SPEF2: variants seen among roughly 807,000 people sequenced by gnomAD.
SPEF2 encodes sperm flagella and cilia-associated protein 2.
SPEF2 carries 187 observed loss-of-function variants against 224.6 expected under a neutral mutation model. That is an observed-to-expected ratio of 0.83 (90% CI 0.74 to 0.94). SPEF2 has a LOEUF of 0.94. SPEF2 is among the 40% of genes least tolerant of loss of function. The pLI is 0.00. For missense variants in SPEF2, 2,170 were observed against 2,135.6 expected (o/e 1.02, Z -0.32); for synonymous variants, 715 against 707.3 (o/e 1.01, Z -0.17).
At chr5:35,656,976 C>A (rs1433517154) in intron 7 of SPEF2, among the ~76,000 whole-genome samples, 1 of 152,200 alleles carries the variant, frequency 6.6e-6, no homozygotes, top group Admixed American at 6.5e-5. Flanking sequence ...CACAAGAGAT[C>A]CTGGTCCACA....
intron 5 of SPEF2, among the ~76,000 whole-genome samples, 187 bp from the exon 6 acceptor site, chr5:35,649,174 G>A (rs1407903685): frequency 6.6e-6 from 1 of 151,912 alleles, no homozygotes; most frequent in African/African-American, 2.4e-5. Context: ...ATTCTTTTAG[G>A]TATAGTTAGC....
At chr5:35,793,601 G>T (rs1756248125) in intron 32 of SPEF2, among the ~76,000 whole-genome samples, 1 of 152,128 alleles carries the variant, frequency 6.6e-6, no homozygotes, top group Admixed American at 6.6e-5. Flanking sequence ...AAACTTTATT[G>T]TTCTTCTCCT....
At chr5:35,783,874 C>G (rs1754695718) in intron 30 of SPEF2, among the ~76,000 whole-genome samples, 1 of 152,092 alleles carries the variant, frequency 6.6e-6, no homozygotes, top group Non-Finnish European at 1.5e-5. Context: ...TAGCAATGTT[C>G]CTCTGTCTGC....
At chr5:35,745,889 A>C (rs986617560) in intron 23 of SPEF2, among the ~76,000 whole-genome samples, 2 of 152,184 alleles carry the variant, frequency 1.3e-5, no homozygotes, top group Non-Finnish European at 2.9e-5. Context: ...CCATTAAACC[A>C]TCAAGGCTAA....
intron 8 of SPEF2, among the ~76,000 whole-genome samples, chr5:35,661,373 A>G (rs914398253): frequency 6.8e-6 from 1 of 146,424 alleles, no homozygotes; most frequent in African/African-American, 2.5e-5. Context: ...ACCAAAAAAT[A>G]TATATACCAA....
intron 24 of SPEF2, 95 bp downstream of exon 24, chr5:35,753,856 T>G: frequency 2.7e-6 from 4 of 1,478,044 alleles, no homozygotes; most frequent in Non-Finnish European, 3.7e-6. Context: ...ATGAGAGGTC[T>G]GTTCAGGGCT....
chr5:35,781,790 G>T (rs1754383381), intron 30 of SPEF2: 3 of 152,206 alleles, frequency 2.0e-5, no homozygotes, highest in South Asian at 4.2e-4. Context: ...TGCATATATT[G>T]CTTTTTAGGT....
At chr5:35,722,480 GT>G (rs200717070) in intron 20 of SPEF2, among the ~76,000 whole-genome samples, 5,829 of 150,860 alleles carry the variant, frequency 0.039, 187 homozygotes, top group African/African-American at 0.074. Flanking sequence ...TTTTTTCAAG[GT>G]TTTTTTTCTT....
At chr5:35,689,855 A>T (rs1202677860) in intron 10 of SPEF2, among the ~76,000 whole-genome samples, 1 of 152,090 alleles carries the variant, frequency 6.6e-6, no homozygotes, top group Non-Finnish European at 1.5e-5. Context: ...CTATTATGTT[A>T]CAACATTGAT....
chr5:35,776,951 C>T (rs982746734), intron 29 of SPEF2, among the ~76,000 whole-genome samples: 1 of 152,126 alleles, frequency 6.6e-6, no homozygotes, highest in African/African-American at 2.4e-5. Context: ...TACAAAGAGG[C>T]AGGTCAGCAG....
intron 23 of SPEF2, 29 bp from the exon 24 acceptor site, chr5:35,753,594 AT>A: frequency 6.2e-7 from 1 of 1,613,328 alleles, no homozygotes. Flanking sequence ...AATCTAAAGC[AT>A]AGCCACCATG....
intron 2 of SPEF2, among the ~76,000 whole-genome samples, chr5:35,629,194 C>T (rs1283986574): frequency 8.2e-6 from 1 of 121,620 alleles, no homozygotes; most frequent in Non-Finnish European, 1.6e-5. Context: ...TGCTCTGTTG[C>T]CCAGGTTGGA....
intron 25 of SPEF2, 135 bp downstream of exon 25, chr5:35,759,854 A>G: frequency 1.3e-6 from 1 of 796,226 alleles, no homozygotes; most frequent in South Asian, 3.3e-5. Context: ...ATAACCAAAC[A>G]TGTTTTTTTT....
At chr5:35,641,062 G>T (rs113417075) in intron 2 of SPEF2, among the ~76,000 whole-genome samples, 6,202 of 152,200 alleles carry the variant, frequency 0.041, 184 homozygotes, top group Middle Eastern at 0.075. Context: ...AGGTATCTGT[G>T]ATTCAAAAAC....
At chr5:35,793,627 A>G (rs1756254356) in intron 32 of SPEF2, among the ~76,000 whole-genome samples, 1 of 152,136 alleles carries the variant, frequency 6.6e-6, no homozygotes, top group Admixed American at 6.5e-5. Context: ...CCTAACCAGT[A>G]GTTCTTATCC....
chr5:35,630,941 T>C (rs1184101618), intron 2 of SPEF2, among the ~76,000 whole-genome samples: 1 of 152,156 alleles, frequency 6.6e-6, no homozygotes, highest in Non-Finnish European at 1.5e-5. Context: ...AGGCAAAGGA[T>C]CTGAATGGAC....
chr5:35,793,416 T>C (rs1448345880), intron 32 of SPEF2, 75 bp downstream of exon 32: 1 of 1,439,892 alleles, frequency 6.9e-7, no homozygotes, highest in East Asian at 2.4e-5. Flanking sequence ...TCAATGATGT[T>C]ACATTGACAG....
chr5:35,662,865 G>A (rs1320581994), intron 8 of SPEF2, among the ~76,000 whole-genome samples: 10 of 152,092 alleles, frequency 6.6e-5, no homozygotes. Context: ...GATGCTTCCA[G>A]CTTTGTTCTT....
At chr5:35,729,965 C>A (rs1256016904) in intron 21 of SPEF2, among the ~76,000 whole-genome samples, 1 of 152,182 alleles carries the variant, frequency 6.6e-6, no homozygotes, top group African/African-American at 2.4e-5. Flanking sequence ...CCTTTTTCTT[C>A]CCAGTCTCAA....
Sources: gnomAD v4.1 joint callset for allele counts (sites outside exome capture counted in the v4.1 genomes callset) on GRCh38, gnomAD v4.1.1 for gene constraint, MANE v1.5 for transcripts, NCBI Gene and HGNC (gene_info 2026-07-23, HGNC 2026-07-21) for gene names.